The following GSTO1 variants were observed in gnomAD, a reference collection of about 807,000 sequenced individuals.
GSTO1 encodes glutathione S-transferase omega-1.
In GSTO1, 27 loss-of-function variants were observed where a neutral mutation model predicts 23.8. The ratio of observed to expected loss-of-function variants is 1.13; its 90% confidence interval spans 0.83 to 1.56. The LOEUF is 1.56. GSTO1 is among the 40% of genes most tolerant of loss of function. The pLI is 0.00. For synonymous variants in GSTO1, 105 were observed against 109.3 expected, an observed-to-expected ratio of 0.96 and a Z score of 0.25; for missense variants, 255 against 285.8, an observed-to-expected ratio of 0.89 and a Z score of 0.78.
At chr10:104,255,705 A>T (rs555445939) in intron 2 of GSTO1, among the ~76,000 whole-genome samples, 85 of 152,182 alleles carry the variant, frequency 5.6e-4, no homozygotes, top group African/African-American at 2.0e-3. Flanking sequence ...ATAGTAATTT[A>T]CCCCAGTACA....
intron 4 of GSTO1, among the ~76,000 whole-genome samples, chr10:104,264,965 G>A (rs1344647803): frequency 6.6e-6 from 1 of 152,240 alleles, no homozygotes; most frequent in Non-Finnish European, 1.5e-5. Flanking sequence ...AGCATCAAGA[G>A]TTATCATACT....
chr10:104,259,426 T>G, intron 2 of GSTO1, 150 bp from the exon 3 acceptor site: 1 of 605,170 alleles, frequency 1.7e-6, no homozygotes, highest in Non-Finnish European at 2.9e-6. Context: ...GTAGTCAGAT[T>G]CATAAAATCA....
rs2091595188 is a variant in GSTO1 at position 104,255,037 on chromosome 10, CCAGCCGCCCGGGAGCGCCCCACCG to C, written c.34+76_34+99del. ...GCATGTTCGAGGCTGCTCCGGGAGC[CCAGCCGCCCGGGAGCGCCCCACCG>C]GCGGGGAACGGGTCGGAGCTGCAGT... On this transcript the variant is annotated intron_variant, in intron 1 of 5. Coordinates refer to ENST00000369713, the MANE Select transcript of GSTO1 (RefSeq NM_004832.3). 4.0e-6 allele frequency: 6 copies of C among 1,502,420 alleles called. No individual in the cohort carries two copies. In the Admixed American group the frequency reaches 1.1e-4, roughly 29 times the overall value. The allele number at this position is 1,502,420 out of a possible 1,614,324, so 93.1% of individuals were successfully genotyped here.
intron 2 of GSTO1, among the ~76,000 whole-genome samples, chr10:104,256,935 G>A (rs11191977): frequency 6.6e-6 from 1 of 151,418 alleles, no homozygotes; most frequent in African/African-American, 2.4e-5. Context: ...AGTATTGTCA[G>A]CACATGAACC....
intron 3 of GSTO1, 65 bp downstream of exon 3, chr10:104,259,863 G>C: frequency 1.0e-6 from 1 of 1,000,420 alleles, no homozygotes; most frequent in South Asian, 1.3e-5. Context: ...AATCAGTGCT[G>C]CCATTTATGG....
In GSTO1 at chr10:104,266,095, TA is replaced by T; in HGVS notation, c.479del (p.Lys160ArgfsTer13). 1 of 1,579,100 alleles carries T rather than the reference TA, an allele frequency of 6.3e-7. No homozygotes were observed. Among genetic ancestry groups the T allele is most frequent in the Non-Finnish European group, 8.7e-7 (1 of 1,148,230 alleles). ...FTKLEEVLTNKKTTFFGGNSI... is the reference protein window; with the variant it reads ...FTKLEEVLTNXKTTFFGGNSI... ...TGTTTAATGTTCAGGTTCTGACTAA[TA>T]AGAAGACGACCTTCTTTGGTGGCAA... On this transcript the variant is annotated frameshift_variant, in exon 5 of 6. Transcript: ENST00000369713. LOFTEE classifies it high-confidence loss of function.
chr10:104,257,068 T>C (rs371843792), intron 2 of GSTO1, among the ~76,000 whole-genome samples: 1 of 152,096 alleles, frequency 6.6e-6, no homozygotes, highest in African/African-American at 2.4e-5. Context: ...GATGGGAAAA[T>C]AGAAAACAAA....
chr10:104,263,087 T>C lies in GSTO1; in HGVS notation c.465+10T>C. The C allele has an allele frequency of 4.6e-6, 5 of 1,079,742 alleles. No individual in the cohort carries two copies. The highest frequency in any genetic ancestry group is 7.1e-6 in the Non-Finnish European group (5 of 702,154). The allele number at this position is 1,079,742 out of a possible 1,614,324, so 66.9% of individuals were successfully genotyped here. A position where few individuals can be genotyped will look rare whatever the true frequency, so the allele number is the denominator to read the frequency against. On this transcript the variant is annotated intron_variant, in intron 4 of 5. Coordinates refer to ENST00000369713, the MANE Select transcript of GSTO1 (RefSeq NM_004832.3). ...TACCAAGCTAGAGGAGGTAATTATT[T>C]CTCCTAGCTATCATCAGAGTAAACG... is the stretch of plus-strand genomic sequence containing the variant.
At chr10:104,262,852 T>G (rs1382357650) in intron 3 of GSTO1, 127 bp from the exon 4 acceptor site, 3 of 515,876 alleles carry the variant, frequency 5.8e-6, no homozygotes, top group Non-Finnish European at 1.0e-5. Context: ...CGCAGGAACT[T>G]GATGCACCCT....
Position 104,259,632 on chromosome 10 carries a change from A to G in GSTO1, c.200A>G (p.Asn67Ser), listed in dbSNP as rs763724479. ...KNKPEWFFKK[N>S]PFGLVPVLEN... ...AAGCCTGAGTGGTTCTTTAAGAAAA[A>G]TCCCTTTGGTCTGGTGCCAGTTCTG... Residue 67 changes from asparagine (N) to serine (S), a missense_variant, in exon 3 of 6, where the codon AAT becomes AGT. Coordinates refer to ENST00000369713, the MANE Select transcript of GSTO1 (RefSeq NM_004832.3). The G allele has an allele frequency of 6.2e-7, 1 of 1,613,732 alleles. No homozygotes were observed. Among genetic ancestry groups the G allele is most frequent in the Admixed American group, 1.7e-5 (1 of 60,008 alleles).
chr10:104,258,120 T>C (rs563349484), intron 2 of GSTO1, among the ~76,000 whole-genome samples: 2 of 152,318 alleles, frequency 1.3e-5, no homozygotes, highest in African/African-American at 2.4e-5. Flanking sequence ...AATCATGTAA[T>C]AGAAGCTGCT....
intron 1 of GSTO1, 21 bp downstream of exon 1, chr10:104,254,983 A>G: frequency 1.2e-6 from 2 of 1,601,058 alleles, no homozygotes; most frequent in Admixed American, 1.7e-5. Flanking sequence ...CCCGCCGCGA[A>G]GAGGGGGTGA....
At chr10:104,264,645 T>A (rs1248926467) in intron 4 of GSTO1, among the ~76,000 whole-genome samples, 1 of 152,200 alleles carries the variant, frequency 6.6e-6, no homozygotes, top group Non-Finnish European at 1.5e-5. Context: ...TACAAATGCT[T>A]TTGCACTTAC....
At chr10:104,255,451 G>A (rs1208621249) in intron 2 of GSTO1, among the ~76,000 whole-genome samples, 180 bp downstream of exon 2, 1 of 152,102 alleles carries the variant, frequency 6.6e-6, no homozygotes, top group Non-Finnish European at 1.5e-5. Flanking sequence ...AGGAAAAATA[G>A]GCCACAGATT....
chr10:104,254,607 T>G, upstream of GSTO1: 1 of 447,474 alleles, frequency 2.2e-6, no homozygotes, highest in Non-Finnish European at 4.1e-6. Flanking sequence ...AGGGTCAGGG[T>G]CAGACGTGGA....
Position 104,266,094 on chromosome 10 carries a change from A to G in GSTO1, c.476A>G (p.Asn159Ser), listed in dbSNP as rs1237962921. 2.5e-6 allele frequency: 4 copies of G among 1,574,632 alleles called. No individual in the cohort carries two copies. The highest frequency in any genetic ancestry group is 1.7e-5 in the Admixed American group (1 of 59,978). ...CTGTTTAATGTTCAGGTTCTGACTAATAAGAAGACGACCTTCTTTGGTGGC... is the reference window on the plus strand; with the variant it reads ...CTGTTTAATGTTCAGGTTCTGACTAGTAAGAAGACGACCTTCTTTGGTGGC... ...EFTKLEEVLT[N>S]KKTTFFGGNS... Residue 159 changes from asparagine (N) to serine (S), a missense_variant, in exon 5 of 6, where the codon AAT (asparagine) becomes AGT (serine). Transcript: ENST00000369713.
Position 104,254,934 on chromosome 10 carries a change from C to T in GSTO1, c.6C>T (p.Ser2=), listed in dbSNP as rs747892529. Residue 2 remains serine, a synonymous_variant, in exon 1 of 6, where the codon TCC becomes TCT. Coordinates refer to ENST00000369713, the MANE Select transcript of GSTO1 (RefSeq NM_004832.3). ...TCGGCCTGCGCTGCGCCACGATGTC[C>T]GGGGAGTCAGCCAGGAGCTTGGGGA... M[S]GESARSLGKG... is the part of the protein sequence containing the mutation. 6.2e-7 allele frequency: 1 copy of T among 1,611,394 alleles called. No individual in the cohort carries two copies. Among genetic ancestry groups the T allele is most frequent in the South Asian group, 1.1e-5 (1 of 90,498 alleles).
chr10:104,259,646 G>T lies in GSTO1; in HGVS notation c.214G>T (p.Val72Leu), dbSNP rs2135056830. The T allele has an allele frequency of 6.2e-7, 1 of 1,613,606 alleles. No homozygotes were observed. Among genetic ancestry groups the T allele is most frequent in the Non-Finnish European group, 8.5e-7 (1 of 1,179,608 alleles). ...WFFKKNPFGLVPVLENSQGQL... is the reference protein window; with the variant it reads ...WFFKKNPFGLLPVLENSQGQL... ...CTTTAAGAAAAATCCCTTTGGTCTG[G>T]TGCCAGTTCTGGAAAACAGTCAGGG... The change falls in exon 3 of 6, where the codon GTG (valine) becomes TTG (leucine). Residue 72 changes from valine (V) to leucine (L), a missense_variant. By Grantham distance (32) the Val-to-Leu change is conservative. Coordinates refer to ENST00000369713, the MANE Select transcript of GSTO1 (RefSeq NM_004832.3).
At position 104,267,384 on chromosome 10, in the gene GSTO1, G is replaced by A; in HGVS notation, c.705G>A (p.Glu235=). The change falls in exon 6 of 6, where the codon GAG becomes GAA. Residue 235 remains glutamate, a synonymous_variant. Coordinates refer to ENST00000369713, the MANE Select transcript of GSTO1 (RefSeq NM_004832.3). ...FLELYLQNSP[E]ACDYGL is the part of the protein sequence containing the mutation. ...AGCTCTACTTACAGAACAGCCCTGAGGCCTGTGACTATGGGCTCTGAAGGG... is the reference window on the plus strand; with the variant it reads ...AGCTCTACTTACAGAACAGCCCTGAAGCCTGTGACTATGGGCTCTGAAGGG... 1 of 1,612,366 alleles carries A rather than the reference G, an allele frequency of 6.2e-7. No individual in the cohort carries two copies. Among genetic ancestry groups the A allele is most frequent in the Non-Finnish European group, 8.5e-7 (1 of 1,179,316 alleles).
Sources: gnomAD v4.1 joint callset for allele counts (sites outside exome capture counted in the v4.1 genomes callset) on GRCh38, gnomAD v4.1.1 for gene constraint, MANE v1.5 for transcripts, NCBI Gene and HGNC (gene_info 2026-07-23, HGNC 2026-07-21) for gene names.